The following ANKH variants were observed in gnomAD, a reference collection of about 807,000 sequenced individuals.
The protein encoded by ANKH is ANKH inorganic pyrophosphate transport regulator.
A neutral mutation model predicts 49.0 loss-of-function variants in ANKH; 15 were observed. The observed-to-expected ratio is 0.31, with a 90% CI of 0.20 to 0.47. ANKH has a LOEUF of 0.47. Ranked by LOEUF, ANKH falls within the 20% of genes least tolerant of loss-of-function variation. The probability of loss-of-function intolerance (pLI) is 1.00; values close to 1 mark genes in which losing one functional copy is unlikely to be tolerated. For missense variants in ANKH, 429 were observed against 652.0 expected, an observed-to-expected ratio of 0.66 and a Z score of 3.72; for synonymous variants, 273 against 260.0, an observed-to-expected ratio of 1.05 and a Z score of -0.48.
rs1737164177 is a variant in ANKH at position 14,711,039 on chromosome 5, T to C, written c.*158A>G. On this transcript the variant is annotated 3_prime_UTR_variant, in exon 12 of 12. Coordinates refer to ENST00000284268, the MANE Select transcript of ANKH (RefSeq NM_054027.6). ...CCCCCGTCAGTGTGAGCATACCCAGTATGCTAGAGAATTGACACGAAACCT... is the reference window on the plus strand; with the variant it reads ...CCCCCGTCAGTGTGAGCATACCCAGCATGCTAGAGAATTGACACGAAACCT... The C allele has an allele frequency of 5.6e-6, 4 of 718,200 alleles. No homozygotes were observed. Among genetic ancestry groups the C allele is most frequent in the Non-Finnish European group, 1.0e-5 (4 of 396,506 alleles). 44.5% of individuals were successfully genotyped at this position (718,200 alleles called of 1,614,324 possible).
intron 2 of ANKH, among the ~76,000 whole-genome samples, chr5:14,764,688 G>A (rs1237313490): frequency 6.6e-6 from 1 of 152,194 alleles, no homozygotes; most frequent in East Asian, 1.9e-4. Flanking sequence ...CACCCTCGTT[G>A]GTTTAAATTA....
chr5:14,718,401 CAAAGAT>C (rs1175093712), intron 8 of ANKH, among the ~76,000 whole-genome samples: 1 of 151,284 alleles, frequency 6.6e-6, no homozygotes, highest in Non-Finnish European at 1.5e-5. Context: ...TAAGAGGAAA[CAAAGAT>C]AATACAGAAA....
intron 1 of ANKH, among the ~76,000 whole-genome samples, chr5:14,867,977 G>C (rs533513905): frequency 6.6e-6 from 1 of 152,144 alleles, no homozygotes. Context: ...GGTTTTGCTA[G>C]TTTTGTTAGA....
At chr5:14,867,410 C>T (rs910246189) in intron 1 of ANKH, among the ~76,000 whole-genome samples, 2 of 152,010 alleles carry the variant, frequency 1.3e-5, no homozygotes, top group Admixed American at 6.6e-5. Flanking sequence ...AATCAATGTA[C>T]GTGATTAATA....
chr5:14,800,940 G>T (rs746010965), intron 1 of ANKH, among the ~76,000 whole-genome samples: 6 of 151,494 alleles, frequency 4.0e-5, no homozygotes, highest in Non-Finnish European at 8.8e-5. Context: ...TGCCCAGGCT[G>T]ATCTCAAACT....
chr5:14,796,583 C>A (rs758704359), intron 1 of ANKH, among the ~76,000 whole-genome samples: 1 of 151,242 alleles, frequency 6.6e-6, no homozygotes, highest in African/African-American at 2.4e-5. Context: ...GAAAGAGGAA[C>A]GTGCTGTTTT....
intron 8 of ANKH, among the ~76,000 whole-genome samples, chr5:14,729,875 G>A (rs763952431): frequency 9.9e-5 from 15 of 152,268 alleles, no homozygotes; most frequent in Middle Eastern, 6.8e-3. Flanking sequence ...CTCTGATGCC[G>A]CTGCTCTTTG....
intron 1 of ANKH, among the ~76,000 whole-genome samples, chr5:14,779,769 G>A (rs1026214550): frequency 4.0e-4 from 61 of 152,178 alleles, no homozygotes; most frequent in African/African-American, 1.5e-3. Context: ...ATGTAGTTCT[G>A]ATCGTTTCTC....
chr5:14,716,885 T>G (rs994075813), intron 8 of ANKH, 50 bp from the exon 9 acceptor site: 1 of 1,606,982 alleles, frequency 6.2e-7, no homozygotes, highest in African/African-American at 1.3e-5. Flanking sequence ...TGTAAGCAGG[T>G]GAAATGAGCA....
intron 1 of ANKH, among the ~76,000 whole-genome samples, chr5:14,807,910 C>T (rs970420385): frequency 3.2e-4 from 49 of 152,178 alleles, no homozygotes; most frequent in African/African-American, 1.2e-3. Flanking sequence ...GTAAATTAGA[C>T]ATGTATATAA....
At chr5:14,727,853 G>A (rs1935136312) in intron 8 of ANKH, among the ~76,000 whole-genome samples, 1 of 152,026 alleles carries the variant, frequency 6.6e-6, no homozygotes, top group Admixed American at 6.6e-5. Flanking sequence ...TTGGTACACT[G>A]TATGTGTATT....
At chr5:14,717,121 T>C in intron 8 of ANKH, 1 of 410,258 alleles carries the variant, frequency 2.4e-6, no homozygotes, top group Non-Finnish European at 4.6e-6. Flanking sequence ...AGCAGACCCG[T>C]TCAGAACCAG....
intron 1 of ANKH, among the ~76,000 whole-genome samples, chr5:14,794,284 C>A (rs1345980328): frequency 6.6e-6 from 1 of 152,214 alleles, no homozygotes; most frequent in Non-Finnish European, 1.5e-5. Context: ...TGGAACTATA[C>A]CCTGCAGCTT....
chr5:14,838,024 A>C (rs956332934), intron 1 of ANKH, among the ~76,000 whole-genome samples: 3 of 152,202 alleles, frequency 2.0e-5, no homozygotes, highest in African/African-American at 7.2e-5. Flanking sequence ...TAGAAAACCA[A>C]ACACTGCATG....
At chr5:14,726,544 G>A (rs1386476126) in intron 8 of ANKH, among the ~76,000 whole-genome samples, 1 of 152,126 alleles carries the variant, frequency 6.6e-6, no homozygotes, top group African/African-American at 2.4e-5. Flanking sequence ...TGAAAGACAG[G>A]AGCTGGGCAA....
rs184454879 is a variant in ANKH at position 14,773,663 on chromosome 5, C to G, written c.97-4472G>C. Among the ~76,000 whole-genome samples, 82 of 152,232 alleles carry G rather than the reference C, an allele frequency of 5.4e-4. 1 individual carries two copies. Among genetic ancestry groups the G allele is most frequent in the Admixed American group, 5.3e-3 (81 of 15,296 alleles). On this transcript the variant is annotated intron_variant, in intron 1 of 11. Coordinates refer to ENST00000284268, the MANE Select transcript of ANKH (RefSeq NM_054027.6). Reference sequence around the variant, plus strand: ...GGCCTTGGCTAAAATACTTATTCTCCCTAAAATAACCCAACTGATTTGAGA... The same window carrying G: ...GGCCTTGGCTAAAATACTTATTCTCGCTAAAATAACCCAACTGATTTGAGA...
At chr5:14,786,564 C>G (rs1254852800) in intron 1 of ANKH, among the ~76,000 whole-genome samples, 1 of 152,152 alleles carries the variant, frequency 6.6e-6, no homozygotes, top group Non-Finnish European at 1.5e-5. Context: ...AAGCAATGCT[C>G]ACAGGGCACA....
chr5:14,847,709 GTC>G (rs558448945), intron 1 of ANKH, among the ~76,000 whole-genome samples: 1 of 152,218 alleles, frequency 6.6e-6, no homozygotes, highest in Non-Finnish European at 1.5e-5. Context: ...TATGGACCCA[GTC>G]TCTCTGACAA....
intron 2 of ANKH, among the ~76,000 whole-genome samples, chr5:14,763,766 TA>T (rs1325109080): frequency 3.5e-4 from 54 of 152,320 alleles, no homozygotes; most frequent in African/African-American, 1.3e-3. Context: ...GCTGATTGAA[TA>T]AATGTTGAAA....
Sources: gnomAD v4.1 joint callset for allele counts (sites outside exome capture counted in the v4.1 genomes callset) on GRCh38, gnomAD v4.1.1 for gene constraint, MANE v1.5 for transcripts, NCBI Gene and HGNC (gene_info 2026-07-23, HGNC 2026-07-21) for gene names.